The following LRRC4C variants were observed in gnomAD, a reference collection of about 807,000 sequenced individuals.
LRRC4C encodes the protein leucine-rich repeat-containing protein 4C.
Under a neutral mutation model 33.6 loss-of-function variants are expected in LRRC4C, and 5 were observed. The observed-to-expected ratio is 0.15, with a 90% CI of 0.08 to 0.31. The LOEUF (loss-of-function observed/expected upper bound fraction) is 0.31, where lower values mean the gene tolerates loss of function less well. Among genes scored for constraint, LRRC4C ranks in the 10% least tolerant of loss-of-function variants. The pLI, the probability that LRRC4C is intolerant of heterozygous loss-of-function variation, is 1.00. For missense variants in LRRC4C, 560 were observed against 796.7 expected, an observed-to-expected ratio of 0.70 and a Z score of 3.58; for synonymous variants, 329 against 302.0, an observed-to-expected ratio of 1.09 and a Z score of -0.93.
chr11:40,309,722 G>A (rs1410804023), intron 4 of LRRC4C, among the ~76,000 whole-genome samples: 1 of 152,108 alleles, frequency 6.6e-6, no homozygotes. Flanking sequence ...GCCCAGGCTG[G>A]TCTCAAACTC....
chr11:40,720,583 C>T (rs1946960095), intron 2 of LRRC4C, among the ~76,000 whole-genome samples: 1 of 152,158 alleles, frequency 6.6e-6, no homozygotes. Flanking sequence ...GGACAGAGGA[C>T]ATGGCATTGG....
chr11:40,582,581 A>G (rs577141700), intron 3 of LRRC4C, among the ~76,000 whole-genome samples: 118 of 145,352 alleles, frequency 8.1e-4, no homozygotes, highest in African/African-American at 2.9e-3. Context: ...CAGTGGTTCA[A>G]TCTTGGCTCA....
chr11:41,185,368 A>G (rs1945647161), intron 1 of LRRC4C, among the ~76,000 whole-genome samples: 2 of 152,172 alleles, frequency 1.3e-5, no homozygotes, highest in African/African-American at 4.8e-5. Context: ...TCCAAACTAT[A>G]TAAAGGACTT....
At chr11:40,831,739 G>A (rs1399860828) in intron 2 of LRRC4C, among the ~76,000 whole-genome samples, 5 of 152,038 alleles carry the variant, frequency 3.3e-5, no homozygotes, top group Non-Finnish European at 7.4e-5. Context: ...ATGGTGGCAG[G>A]CAAGAGAGCA....
chr11:41,393,230 C>T (rs1236270613), intron 1 of LRRC4C, among the ~76,000 whole-genome samples: 1 of 151,792 alleles, frequency 6.6e-6, no homozygotes, highest in Non-Finnish European at 1.5e-5. Context: ...ATATTGTTTA[C>T]GGGAACCATC....
chr11:40,564,333 CTGGAA>C (rs1957670767), intron 3 of LRRC4C, among the ~76,000 whole-genome samples: 1 of 152,138 alleles, frequency 6.6e-6, no homozygotes, highest in African/African-American at 2.4e-5. Context: ...GCTGGGAATG[CTGGAA>C]TGGACATATT....
At chr11:41,023,184 T>C (rs142326099) in intron 1 of LRRC4C, among the ~76,000 whole-genome samples, 1 of 151,944 alleles carries the variant, frequency 6.6e-6, no homozygotes, top group African/African-American at 2.4e-5. Context: ...AAATGGACAC[T>C]TAAAAACTTG....
chr11:40,245,467 T>A (rs980576974), intron 4 of LRRC4C, among the ~76,000 whole-genome samples: 1 of 152,176 alleles, frequency 6.6e-6, no homozygotes, highest in Non-Finnish European at 1.5e-5. Flanking sequence ...CCCACACATG[T>A]TACAGAATCT....
chr11:40,517,299 C>A (rs1043843304), intron 3 of LRRC4C, among the ~76,000 whole-genome samples: 1 of 152,118 alleles, frequency 6.6e-6, no homozygotes, highest in Non-Finnish European at 1.5e-5. Flanking sequence ...AAAAGAGGTT[C>A]AATCGATGAC....
chr11:40,530,460 A>T (rs1956228863), intron 3 of LRRC4C, among the ~76,000 whole-genome samples: 1 of 152,078 alleles, frequency 6.6e-6, no homozygotes, highest in Admixed American at 6.6e-5. Context: ...TCAGAAAAAA[A>T]ATGGGGTTAT....
intron 3 of LRRC4C, among the ~76,000 whole-genome samples, chr11:40,382,043 G>A (rs192513110): frequency 6.9e-4 from 89 of 128,626 alleles, no homozygotes; most frequent in Non-Finnish European, 1.1e-3. Flanking sequence ...TGCAAGCTCC[G>A]CCTCCCGGGT....
chr11:40,739,466 A>C (rs1387501047), intron 2 of LRRC4C, among the ~76,000 whole-genome samples: 1 of 147,754 alleles, frequency 6.8e-6, no homozygotes, highest in Admixed American at 6.8e-5. Flanking sequence ...ACATATATAA[A>C]AATCAACTAT....
intron 3 of LRRC4C, among the ~76,000 whole-genome samples, chr11:40,574,544 C>T (rs1284079841): frequency 6.6e-6 from 1 of 152,072 alleles, no homozygotes; most frequent in Non-Finnish European, 1.5e-5. Context: ...GACCTGAACA[C>T]CATATGGATA....
At chr11:40,584,951 G>GAAAAAAA (rs558879496) in intron 3 of LRRC4C, among the ~76,000 whole-genome samples, 1 of 103,530 alleles carries the variant, frequency 9.7e-6, no homozygotes. Context: ...TTAAAAAAAA[G>GAAAAAAA]AAAAAAAAAA....
chr11:40,806,963 A>G (rs905928893), intron 2 of LRRC4C, among the ~76,000 whole-genome samples: 1 of 152,098 alleles, frequency 6.6e-6, no homozygotes, highest in Non-Finnish European at 1.5e-5. Flanking sequence ...GTAGGATTAA[A>G]AAAAAACTGC....
intron 2 of LRRC4C, among the ~76,000 whole-genome samples, chr11:40,672,802 G>A (rs1944194639): frequency 6.6e-6 from 1 of 152,116 alleles, no homozygotes; most frequent in African/African-American, 2.4e-5. Flanking sequence ...ATGTTTTTAT[G>A]AAGAAAATAG....
intron 2 of LRRC4C, among the ~76,000 whole-genome samples, chr11:40,819,864 T>A (rs1315685719): frequency 6.6e-6 from 1 of 151,928 alleles, no homozygotes; most frequent in Non-Finnish European, 1.5e-5. Flanking sequence ...AGAAAAACTC[T>A]AGGAAGCTAG....
chr11:40,418,457 A>G (rs1950406151), intron 3 of LRRC4C, among the ~76,000 whole-genome samples: 1 of 152,218 alleles, frequency 6.6e-6, no homozygotes, highest in Admixed American at 6.5e-5. Context: ...AAGTCAAGAA[A>G]CAATAGATGC....
chr11:40,244,071 G>A (rs1866142960), intron 4 of LRRC4C, among the ~76,000 whole-genome samples: 1 of 152,034 alleles, frequency 6.6e-6, no homozygotes, highest in Non-Finnish European at 1.5e-5. Flanking sequence ...CTAAGAATGT[G>A]TTAGAAAAAG....
Sources: gnomAD v4.1 joint callset for allele counts (sites outside exome capture counted in the v4.1 genomes callset) on GRCh38, gnomAD v4.1.1 for gene constraint, MANE v1.5 for transcripts, NCBI Gene and HGNC (gene_info 2026-07-23, HGNC 2026-07-21) for gene names.